WWOX: variants seen among roughly 807,000 people sequenced by gnomAD.
WWOX encodes WW domain containing oxidoreductase.
WWOX carries 69 observed loss-of-function variants against 46.2 expected under a neutral mutation model. The observed-to-expected ratio is 1.49, with a 90% CI of 1.23 to 1.82. WWOX has a LOEUF of 1.82. WWOX is among the 40% of genes most tolerant of loss of function. The probability of loss-of-function intolerance (pLI) is 0.00; values close to 1 mark genes in which losing one functional copy is unlikely to be tolerated. For missense variants in WWOX, 919 were observed against 542.6 expected (o/e 1.69, Z -6.89); for synonymous variants, 359 against 202.6 (o/e 1.77, Z -6.56).
chr16:78,986,700 G>T (rs1006046246), intron 8 of WWOX, among the ~76,000 whole-genome samples: 2 of 152,164 alleles, frequency 1.3e-5, no homozygotes, highest in African/African-American at 4.8e-5. Context: ...CTGGGAGGCT[G>T]TTACCAATTG....
rs752318131 is a variant in WWOX, at chr16:79,106,582, A to ATTTTTTTTTTTTTTTTTTTTTTT, written c.1057-105015_1057-104993dup. On this transcript the variant is annotated intron_variant, in intron 8 of 8. Coordinates refer to ENST00000566780, the MANE Select transcript of WWOX (RefSeq NM_016373.4). Reference sequence around the variant, plus strand: ...CCTAAAATGACTCTTTCTTAAAATAATTTTTTTTTTTTTTTTTTTTTTTTT... The same window carrying ATTTTTTTTTTTTTTTTTTTTTTT: ...CCTAAAATGACTCTTTCTTAAAATAATTTTTTTTTTTTTTTTTTTTTTTTTTTTTTTTTTTTTTTTTTTTTTTT... 20 of 79,512 alleles carry ATTTTTTTTTTTTTTTTTTTTTTT rather than the reference A, an allele frequency of 2.5e-4. 4 individuals carry two copies. The highest frequency in any genetic ancestry group is 1.0e-3 in the African/African-American group (19 of 18,830). 4.9% of individuals were successfully genotyped at this position (79,512 alleles called of 1,614,324 possible). A position where few individuals can be genotyped will look rare whatever the true frequency, so the allele number is the denominator to read the frequency against.
chr16:78,472,196 G>A (rs1465893534), intron 8 of WWOX, among the ~76,000 whole-genome samples: 1 of 152,078 alleles, frequency 6.6e-6, no homozygotes, highest in Non-Finnish European at 1.5e-5. Context: ...CCACCTAGAA[G>A]CACCAATACA....
intron 8 of WWOX, among the ~76,000 whole-genome samples, chr16:79,030,281 G>T (rs1420008450): frequency 6.6e-6 from 1 of 152,054 alleles, no homozygotes; most frequent in Non-Finnish European, 1.5e-5. Context: ...ATTACTTTAT[G>T]ACTTCTTCAT....
intron 8 of WWOX, among the ~76,000 whole-genome samples, chr16:78,842,406 G>C (rs551061689): frequency 1.3e-5 from 2 of 152,002 alleles, no homozygotes; most frequent in African/African-American, 4.8e-5. Context: ...GGGAGGCCAA[G>C]ATGGGAGAAT....
chr16:78,640,997 G>A (rs1211379431), intron 8 of WWOX, among the ~76,000 whole-genome samples: 2 of 151,654 alleles, frequency 1.3e-5, no homozygotes, highest in African/African-American at 2.4e-5. Context: ...AAGGAAAAGG[G>A]AAGGGAAAGG....
intron 6 of WWOX, among the ~76,000 whole-genome samples, chr16:78,419,361 G>T (rs79557393): frequency 6.6e-6 from 1 of 151,720 alleles, no homozygotes; most frequent in African/African-American, 2.4e-5. Context: ...AGTGTTGGAG[G>T]GCTTCCATTT....
chr16:78,404,499 G>C (rs2082481226), intron 6 of WWOX, among the ~76,000 whole-genome samples: 3 of 152,006 alleles, frequency 2.0e-5, no homozygotes, highest in Non-Finnish European at 4.4e-5. Flanking sequence ...CATCTGCCAG[G>C]TCTTTCCCTT....
intron 8 of WWOX, among the ~76,000 whole-genome samples, chr16:79,132,689 T>TA (rs559438338): frequency 2.6e-5 from 4 of 152,046 alleles, no homozygotes; most frequent in African/African-American, 7.2e-5. Flanking sequence ...TATTGTCGCT[T>TA]AAAAAAAACT....
At chr16:78,424,767 G>C (rs925097988) in intron 6 of WWOX, 103 bp from the exon 7 acceptor site, 8 of 1,281,702 alleles carry the variant, frequency 6.2e-6, no homozygotes, top group Non-Finnish European at 7.9e-6. Context: ...ATTATCCTTG[G>C]TTGTAGTGTT....
intron 8 of WWOX, among the ~76,000 whole-genome samples, chr16:78,861,711 G>T (rs1055333682): frequency 6.6e-6 from 1 of 152,060 alleles, no homozygotes; most frequent in East Asian, 1.9e-4. Context: ...TCATTAGTTT[G>T]TTTGAATTCC....
intron 8 of WWOX, among the ~76,000 whole-genome samples, chr16:78,916,884 T>C (rs2045264220): frequency 6.6e-6 from 1 of 152,204 alleles, no homozygotes; most frequent in Non-Finnish European, 1.5e-5. Flanking sequence ...ACAGGCTTAA[T>C]TAACTGAAAG....
At chr16:78,885,192 CTTTTTTT>C (rs58558697) in intron 8 of WWOX, among the ~76,000 whole-genome samples, 1 of 127,720 alleles carries the variant, frequency 7.8e-6, no homozygotes, top group East Asian at 2.2e-4. Flanking sequence ...TCACTCTCTA[CTTTTTTT>C]TTTTTTTTTT....
intron 8 of WWOX, among the ~76,000 whole-genome samples, chr16:78,865,597 G>T (rs1420689193): frequency 6.6e-6 from 1 of 152,142 alleles, no homozygotes; most frequent in Non-Finnish European, 1.5e-5. Context: ...TGTGTGGCCG[G>T]CCAGGTGCAG....
chr16:78,102,369 C>G (rs946918983), intron 1 of WWOX, among the ~76,000 whole-genome samples: 3 of 152,254 alleles, frequency 2.0e-5, no homozygotes, highest in East Asian at 3.9e-4. Flanking sequence ...GAAGGGAGGA[C>G]CCATTTCAAG....
intron 8 of WWOX, among the ~76,000 whole-genome samples, chr16:78,776,793 G>C (rs1426231066): frequency 2.0e-5 from 3 of 152,138 alleles, no homozygotes; most frequent in Non-Finnish European, 4.4e-5. Context: ...GGGAGGGAGA[G>C]AGAAAGAGGG....
In WWOX at chr16:79,002,767, G is replaced by C. The variant is rs905529523; in HGVS notation, c.1057-208841G>C. ...TCACCCGGGTTCTCCCTGTCTATAA[G>C]GGGAAAAGACAGGGTTCACACCAAG... On this transcript the variant is annotated intron_variant, in intron 8 of 8. Transcript: ENST00000566780. 3.3e-5 allele frequency among the ~76,000 whole-genome samples: 5 copies of C among 152,246 alleles called. No individual in the cohort carries two copies. The East Asian group carries it at 7.7e-4, about 24-fold the overall frequency.
chr16:78,639,402 C>T (rs1597381995), intron 8 of WWOX, among the ~76,000 whole-genome samples: 1 of 152,268 alleles, frequency 6.6e-6, no homozygotes, highest in East Asian at 1.9e-4. Context: ...ATTATTCTCT[C>T]ACTTTGCAGA....
intron 8 of WWOX, among the ~76,000 whole-genome samples, chr16:78,713,931 G>A (rs1241376617): frequency 1.3e-5 from 2 of 152,136 alleles, no homozygotes; most frequent in Non-Finnish European, 2.9e-5. Flanking sequence ...TGGGGAACAG[G>A]AAACCTGTCT....
chr16:78,955,662 T>C (rs1034573319), intron 8 of WWOX, among the ~76,000 whole-genome samples: 24 of 152,130 alleles, frequency 1.6e-4, no homozygotes, highest in African/African-American at 5.8e-4. Flanking sequence ...TTTGTTTTTT[T>C]TGTTTTGAGA....
Sources: allele counts gnomAD v4.1 joint callset (sites outside exome capture counted in the v4.1 genomes callset), GRCh38; gene constraint gnomAD v4.1.1; transcripts MANE v1.5; gene names NCBI Gene and HGNC (gene_info 2026-07-23, HGNC 2026-07-21).